Variants in FBXL7 observed in about 807,000 individuals in gnomAD.
FBXL7 encodes F-box/LRR-repeat protein 7.
A neutral mutation model predicts 38.3 loss-of-function variants in FBXL7; 12 were observed. The ratio of observed to expected loss-of-function variants is 0.31; its 90% CI spans 0.20 to 0.51. FBXL7 has a LOEUF of 0.51. FBXL7 is among the 20% of genes least tolerant of loss of function. The probability of loss-of-function intolerance (pLI) is 0.98; values close to 1 mark genes in which losing one functional copy is unlikely to be tolerated. For synonymous variants in FBXL7, 297 were observed against 300.9 expected, an observed-to-expected ratio of 0.99 and a Z score of 0.13; for missense variants, 567 against 676.4, an observed-to-expected ratio of 0.84 and a Z score of 1.79.
chr5:15,834,661 C>T (rs951615626), intron 2 of FBXL7, among the ~76,000 whole-genome samples: 7 of 152,210 alleles, frequency 4.6e-5, no homozygotes, highest in African/African-American at 9.6e-5. Context: ...TTATAAATCC[C>T]GTGGCCTTAA....
At chr5:15,912,557 C>T (rs1487655090) in intron 2 of FBXL7, among the ~76,000 whole-genome samples, 2 of 151,968 alleles carry the variant, frequency 1.3e-5, no homozygotes, top group East Asian at 3.9e-4. Flanking sequence ...CCCCACCGAC[C>T]TAGAAGGATT....
intron 2 of FBXL7, among the ~76,000 whole-genome samples, chr5:15,806,067 C>A (rs913505720): frequency 6.6e-6 from 1 of 152,048 alleles, no homozygotes; most frequent in African/African-American, 2.4e-5. Context: ...TCATCTAATC[C>A]AACCCTATAA....
intron 1 of FBXL7, among the ~76,000 whole-genome samples, chr5:15,508,442 T>C (rs1475550418): frequency 1.3e-5 from 2 of 152,204 alleles, no homozygotes; most frequent in Non-Finnish European, 2.9e-5. Context: ...AGAAGTTATA[T>C]TTGGCTCAGT....
chr5:15,517,665 A>C (rs1348085940), intron 1 of FBXL7, among the ~76,000 whole-genome samples: 1 of 152,192 alleles, frequency 6.6e-6, no homozygotes, highest in Non-Finnish European at 1.5e-5. Context: ...AATGTTTAGC[A>C]AGGGGAGCCT....
At position 15,869,451 on chromosome 5, in the gene FBXL7, G is replaced by A. The variant is rs571937565; in HGVS notation, c.128-58439G>A. 6.6e-5 allele frequency among the ~76,000 whole-genome samples: 10 copies of A among 152,124 alleles called. No individual in the cohort carries two copies. In the South Asian group the frequency reaches 1.9e-3, roughly 28 times the overall value. ...CATGTGGCCCTGGTGTAATTATCAG[G>A]GGCACTTCTTTCACGCAAGAATTGT... On this transcript the variant is annotated intron_variant, in intron 2 of 3. Coordinates refer to ENST00000504595, the MANE Select transcript of FBXL7 (RefSeq NM_012304.5).
At chr5:15,627,504 C>T (rs746442617) in intron 2 of FBXL7, among the ~76,000 whole-genome samples, 3 of 152,134 alleles carry the variant, frequency 2.0e-5, no homozygotes, top group Non-Finnish European at 4.4e-5. Context: ...TGAATAGGCT[C>T]ACAAAGTGTG....
In FBXL7 at chr5:15,594,861, G is replaced by C. The variant is rs542416884; in HGVS notation, c.38-21122G>C. Among the ~76,000 whole-genome samples the C allele has an allele frequency of 5.9e-5, 9 of 152,324 alleles. No individual in the cohort carries two copies. The East Asian group carries it at 1.5e-3, about 26-fold the overall frequency. ...AACGCTGTCTTCTCTCTGATTCTCT[G>C]TGTGTCCATTCCCATTGCTAAGTTT... On this transcript the variant is annotated intron_variant, in intron 1 of 3. Transcript: ENST00000504595.
chr5:15,880,638 T>C (rs1316417856), intron 2 of FBXL7, among the ~76,000 whole-genome samples: 1 of 150,806 alleles, frequency 6.6e-6, no homozygotes, highest in African/African-American at 2.4e-5. Context: ...CAGGCTACAA[T>C]GGATTGCAAA....
rs1741466816 is a variant in FBXL7 at position 15,912,607 on chromosome 5, A to G, written c.128-15283A>G. On this transcript the variant is annotated intron_variant, in intron 2 of 3. Transcript: ENST00000504595. ...CAGTTTGCTTGAATTCTACTCCACA[A>G]CTGAATTTCCAAAACATTATTATTA... 2.0e-5 allele frequency among the ~76,000 whole-genome samples: 3 copies of G among 152,122 alleles called. No homozygotes were observed. The South Asian group carries it at 6.2e-4, about 32-fold the overall frequency.
intron 2 of FBXL7, among the ~76,000 whole-genome samples, chr5:15,790,785 G>A (rs556836527): frequency 1.3e-5 from 2 of 152,274 alleles, no homozygotes; most frequent in East Asian, 3.9e-4. Flanking sequence ...TCAGGAAATG[G>A]GGACACAGAA....
intron 2 of FBXL7, among the ~76,000 whole-genome samples, chr5:15,704,918 C>T (rs1743634028): frequency 6.6e-6 from 1 of 151,258 alleles, no homozygotes; most frequent in Admixed American, 6.6e-5. Context: ...AGGCATAAAG[C>T]AGTTTTCTAT....
chr5:15,560,121 A>G (rs1027139995), intron 1 of FBXL7, among the ~76,000 whole-genome samples: 3 of 152,220 alleles, frequency 2.0e-5, no homozygotes, highest in African/African-American at 7.2e-5. Context: ...TTGTGAATGC[A>G]TAATGAATGA....
intron 2 of FBXL7, among the ~76,000 whole-genome samples, chr5:15,773,679 A>C (rs1736787868): frequency 6.6e-6 from 1 of 152,120 alleles, no homozygotes; most frequent in Admixed American, 6.6e-5. Context: ...AGAATTTTTT[A>C]ATAATGGAAG....
intron 2 of FBXL7, among the ~76,000 whole-genome samples, chr5:15,729,710 A>G (rs1182624015): frequency 5.9e-5 from 9 of 152,184 alleles, no homozygotes; most frequent in Admixed American, 5.9e-4. Context: ...CATGTGATGT[A>G]TGGAAATAAA....
At chr5:15,701,403 G>A (rs1187714845) in intron 2 of FBXL7, among the ~76,000 whole-genome samples, 1 of 152,184 alleles carries the variant, frequency 6.6e-6, no homozygotes, top group East Asian at 1.9e-4. Context: ...GAATTTACCA[G>A]CTATTCATCA....
chr5:15,648,003 G>A (rs567922505), intron 2 of FBXL7, among the ~76,000 whole-genome samples: 64 of 152,280 alleles, frequency 4.2e-4, no homozygotes, highest in African/African-American at 1.3e-3. Flanking sequence ...GAGAATGCCC[G>A]TGTCTAATGA....
At chr5:15,567,745 C>G (rs961665847) in intron 1 of FBXL7, among the ~76,000 whole-genome samples, 10 of 151,972 alleles carry the variant, frequency 6.6e-5, no homozygotes, top group Middle Eastern at 3.4e-3. Flanking sequence ...ATCCCTCCCC[C>G]CTCACCCCAC....
chr5:15,536,055 G>T (rs1304274792), intron 1 of FBXL7, among the ~76,000 whole-genome samples: 1 of 152,246 alleles, frequency 6.6e-6, no homozygotes, highest in Non-Finnish European at 1.5e-5. Context: ...GGCTTCAGAG[G>T]GTGCAAGCCC....
chr5:15,761,528 C>T (rs1338963268), intron 2 of FBXL7, among the ~76,000 whole-genome samples: 1 of 152,082 alleles, frequency 6.6e-6, no homozygotes, highest in Non-Finnish European at 1.5e-5. Flanking sequence ...AAAAGTCAAT[C>T]CTAGTTGTAA....
Sources: gnomAD v4.1 joint callset for allele counts (sites outside exome capture counted in the v4.1 genomes callset) on GRCh38, gnomAD v4.1.1 for gene constraint, MANE v1.5 for transcripts, NCBI Gene and HGNC (gene_info 2026-07-23, HGNC 2026-07-21) for gene names.